PRIM2: variants seen among roughly 807,000 people sequenced by gnomAD.
PRIM2 encodes DNA primase subunit 2, also known as DNA primase large subunit.
PRIM2 carries 39 observed loss-of-function variants against 67.3 expected under a neutral mutation model. The observed-to-expected ratio is 0.58, with a 90% confidence interval of 0.45 to 0.76. The LOEUF (loss-of-function observed/expected upper bound fraction) is 0.76, where lower values mean the gene tolerates loss of function less well. PRIM2 is among the 30% of genes least tolerant of loss of function. The pLI is 0.00. For synonymous variants in PRIM2, 143 were observed against 198.7 expected, an observed-to-expected ratio of 0.72 and a Z score of 2.36; for missense variants, 398 against 598.7, an observed-to-expected ratio of 0.66 and a Z score of 3.50.
intron 7 of PRIM2, among the ~76,000 whole-genome samples, chr6:57,421,048 A>G (rs1771443933): frequency 6.6e-6 from 1 of 152,178 alleles, no homozygotes; most frequent in African/African-American, 2.4e-5. Context: ...GGAGACAGTG[A>G]AGAAATCTGA....
chr6:57,490,722 C>T (rs1773868904), intron 7 of PRIM2, among the ~76,000 whole-genome samples: 1 of 152,096 alleles, frequency 6.6e-6, no homozygotes, highest in African/African-American at 2.4e-5. Context: ...ACTTGAATAT[C>T]ATGTTGAGGA....
intron 8 of PRIM2, among the ~76,000 whole-genome samples, chr6:57,517,105 A>G (rs1774503071): frequency 6.6e-6 from 1 of 152,332 alleles, no homozygotes; most frequent in African/African-American, 2.4e-5. Context: ...GTCAGGAACC[A>G]AGATACCGCT....
In PRIM2 at chr6:57,646,212, G is replaced by A; in HGVS notation, c.*54G>A. ...GCCTGTTTCCTGTTTTTAAGATTTT[G>A]CCTTTGTTGTTGAAAAAGGGTTTCA... On this transcript the variant is annotated 3_prime_UTR_variant, in exon 14 of 14. Coordinates refer to ENST00000615550, the MANE Select transcript of PRIM2 (RefSeq NM_000947.5). 1 of 1,141,238 alleles carries A rather than the reference G, an allele frequency of 8.8e-7. No homozygotes were observed. Among genetic ancestry groups the A allele is most frequent in the Non-Finnish European group, 1.3e-6 (1 of 776,056 alleles). The allele number at this position is 1,141,238 out of a possible 1,614,324, so 70.7% of individuals were successfully genotyped here.
the PRIM2 span, among the ~76,000 whole-genome samples, chr6:57,236,545 C>T: frequency 7.0e-4 from 107 of 152,122 alleles, no homozygotes; most frequent in Non-Finnish European, 1.2e-3. Context: ...AGGTATATCT[C>T]CTAATGCTAT....
intron 7 of PRIM2, among the ~76,000 whole-genome samples, chr6:57,455,357 C>G (rs1218339764): frequency 6.6e-6 from 1 of 152,126 alleles, no homozygotes; most frequent in African/African-American, 2.4e-5. Context: ...CTTTCTGTCT[C>G]GTTGATCTGT....
chr6:57,361,758 A>G (rs1017697261), intron 5 of PRIM2, among the ~76,000 whole-genome samples: 12 of 152,060 alleles, frequency 7.9e-5, no homozygotes, highest in Non-Finnish European at 1.6e-4. Context: ...ATGTGTGTCC[A>G]GCATTGTGTT....
rs1314722543 is a variant in PRIM2 at position 57,548,926 on chromosome 6, A to T, written c.1020+11301A>T. Among the ~76,000 whole-genome samples the T allele has an allele frequency of 7.7e-5, 11 of 143,658 alleles. No homozygotes were observed. In the East Asian group the frequency reaches 1.2e-3, roughly 15 times the overall value. 94.2% of individuals were successfully genotyped at this position (143,658 alleles called of 152,430 possible). On this transcript the variant is annotated intron_variant, in intron 10 of 13. Transcript: ENST00000615550. ...TAAGTGTGCTAAGGCATTAACTAAT[A>T]AAAAAAAAAAAGATTGCTAAGCTAC...
chr6:57,626,624 C>A (rs1776952525), intron 12 of PRIM2, among the ~76,000 whole-genome samples: 1 of 134,002 alleles, frequency 7.5e-6, no homozygotes, highest in African/African-American at 2.7e-5. Context: ...AACTGCATTG[C>A]TTTTTTTTTT....
At chr6:57,490,944 G>C (rs1195138938) in intron 7 of PRIM2, among the ~76,000 whole-genome samples, 7 of 152,208 alleles carry the variant, frequency 4.6e-5, no homozygotes, top group African/African-American at 1.7e-4. Context: ...GAAACATGGA[G>C]GGAGAGAGAT....
At chr6:57,503,504 T>A (rs1267024485) in intron 7 of PRIM2, among the ~76,000 whole-genome samples, 6 of 152,094 alleles carry the variant, frequency 3.9e-5, no homozygotes, top group Non-Finnish European at 5.9e-5. Flanking sequence ...ATCCCAGCAC[T>A]TTGGGAGGCC....
chr6:57,259,768 T>A, the PRIM2 span, among the ~76,000 whole-genome samples: 1 of 152,158 alleles, frequency 6.6e-6, no homozygotes, highest in Non-Finnish European at 1.5e-5. Context: ...CTCCCATCCT[T>A]TCACCTCCAC....
chr6:57,289,543 G>T, the PRIM2 span, among the ~76,000 whole-genome samples: 1 of 152,050 alleles, frequency 6.6e-6, no homozygotes, highest in Non-Finnish European at 1.5e-5. Context: ...AAATGTTAAG[G>T]GCAGCCAGAG....
intron 5 of PRIM2, among the ~76,000 whole-genome samples, chr6:57,369,710 C>T (rs2127322144): frequency 6.6e-6 from 1 of 152,296 alleles, no homozygotes; most frequent in Non-Finnish European, 1.5e-5. Context: ...GTGAAGCATA[C>T]TACACCTTGA....
At chr6:57,271,993 C>T in the PRIM2 span, among the ~76,000 whole-genome samples, 1 of 152,094 alleles carries the variant, frequency 6.6e-6, no homozygotes, top group South Asian at 2.1e-4. Context: ...GTCTGAGAGA[C>T]AGTTTGTTAT....
chr6:57,299,968 G>T, the PRIM2 span, among the ~76,000 whole-genome samples: 2 of 152,164 alleles, frequency 1.3e-5, no homozygotes, highest in South Asian at 4.1e-4. Context: ...TCCACAGAAG[G>T]ATTGACGTTC....
the PRIM2 span, among the ~76,000 whole-genome samples, chr6:57,288,106 A>G: frequency 2.4e-4 from 37 of 152,328 alleles, 1 homozygote; most frequent in South Asian, 7.2e-3. Flanking sequence ...CACAACTGGC[A>G]GACCAGGAAA....
chr6:57,326,084 C>A, intron 5 of PRIM2, 39 bp downstream of exon 5: 2 of 1,599,422 alleles, frequency 1.3e-6, no homozygotes, highest in South Asian at 1.1e-5. Flanking sequence ...TTGTTCTCAC[C>A]ATTCATTTTT....
intron 10 of PRIM2, among the ~76,000 whole-genome samples, chr6:57,566,381 C>T (rs1218476051): frequency 2.5e-4 from 38 of 152,066 alleles, no homozygotes; most frequent in African/African-American, 8.9e-4. Flanking sequence ...ATCGAATGAT[C>T]TTTCCAAAAT....
At chr6:57,457,588 G>C (rs77652438) in intron 7 of PRIM2, among the ~76,000 whole-genome samples, 1 of 152,202 alleles carries the variant, frequency 6.6e-6, no homozygotes. Flanking sequence ...CCCCGAGCCA[G>C]GCGTGGGATA....
Sources: gnomAD v4.1 joint callset for allele counts (sites outside exome capture counted in the v4.1 genomes callset) on GRCh38, gnomAD v4.1.1 for gene constraint, MANE v1.5 for transcripts, NCBI Gene and HGNC (gene_info 2026-07-23, HGNC 2026-07-21) for gene names.